CDK13: variants seen among roughly 807,000 people sequenced by gnomAD.
CDK13 encodes the protein cyclin-dependent kinase 13.
CDK13 carries 40 observed loss-of-function variants against 137.6 expected under a neutral mutation model. That is an observed-to-expected ratio of 0.29 (90% CI 0.23 to 0.38). The LOEUF (loss-of-function observed/expected upper bound fraction) is 0.38. Ranked by LOEUF, CDK13 falls within the 10% of genes least tolerant of loss-of-function variation. The pLI is 1.00. For missense variants in CDK13, 1,704 were observed against 1,951.8 expected (o/e 0.87, Z 2.39); for synonymous variants, 869 against 760.1 (o/e 1.14, Z -2.36).
chr7:40,065,756 A>G (rs1786266421), intron 9 of CDK13, among the ~76,000 whole-genome samples: 1 of 152,204 alleles, frequency 6.6e-6, no homozygotes, highest in South Asian at 2.1e-4. Context: ...AGCAAAATAA[A>G]CCCAGGAAAT....
At chr7:40,010,940 A>G (rs558321135) in intron 5 of CDK13, among the ~76,000 whole-genome samples, 1 of 152,342 alleles carries the variant, frequency 6.6e-6, no homozygotes, top group African/African-American at 2.4e-5. Context: ...CTAGAAATAA[A>G]TTGATAAAAG....
intron 1 of CDK13, among the ~76,000 whole-genome samples, chr7:39,956,713 G>A (rs1787418950): frequency 6.6e-6 from 1 of 152,014 alleles, no homozygotes; most frequent in Admixed American, 6.6e-5. Context: ...TCAGCCTCCC[G>A]AGTAGCTGGG....
chr7:40,020,573 G>C (rs1246523440), intron 5 of CDK13, among the ~76,000 whole-genome samples: 2 of 152,124 alleles, frequency 1.3e-5, no homozygotes, highest in Non-Finnish European at 2.9e-5. Flanking sequence ...ATTTGTCTTA[G>C]AATGTTATTG....
chr7:39,989,359 C>T (rs950501887), intron 2 of CDK13, among the ~76,000 whole-genome samples: 2 of 150,866 alleles, frequency 1.3e-5, no homozygotes, highest in African/African-American at 2.4e-5. Context: ...CCTCCCACTC[C>T]CCATTAAAAA....
chr7:40,019,338 G>C (rs1785066372), intron 5 of CDK13, among the ~76,000 whole-genome samples: 1 of 152,122 alleles, frequency 6.6e-6, no homozygotes, highest in Non-Finnish European at 1.5e-5. Context: ...ACAAACTTAA[G>C]CTAAAATTCA....
intron 2 of CDK13, among the ~76,000 whole-genome samples, chr7:39,994,801 G>T (rs1331507241): frequency 6.6e-6 from 1 of 151,962 alleles, no homozygotes; most frequent in Non-Finnish European, 1.5e-5. Flanking sequence ...TCTCTGAATA[G>T]GTTGACAGGG....
At chr7:39,993,703 C>T (rs555004344) in intron 2 of CDK13, among the ~76,000 whole-genome samples, 9 of 152,024 alleles carry the variant, frequency 5.9e-5, no homozygotes, top group Non-Finnish European at 8.8e-5. Flanking sequence ...ATGGATGTAT[C>T]GTGTTCTTCT....
In CDK13 at chr7:40,012,783, G is replaced by A. The variant is rs1441600867; in HGVS notation, c.2353+10752G>A. Reference sequence around the variant, plus strand: ...AAAAATCAGCTGGGCGCAGTGGTGGGCGCCTGTAATCCCAGCTACTTGGGA... The same window carrying A: ...AAAAATCAGCTGGGCGCAGTGGTGGACGCCTGTAATCCCAGCTACTTGGGA... On this transcript the variant is annotated intron_variant, in intron 5 of 13. Transcript: ENST00000181839. Among the ~76,000 whole-genome samples, 3 of 151,172 alleles carry A rather than the reference G, an allele frequency of 2.0e-5. No individual in the cohort carries two copies. In the South Asian group the frequency reaches 6.3e-4, roughly 32 times the overall value.
intron 5 of CDK13, among the ~76,000 whole-genome samples, chr7:40,016,359 G>C (rs1429840187): frequency 6.6e-6 from 1 of 152,148 alleles, no homozygotes; most frequent in East Asian, 1.9e-4. Context: ...TGAGACCTAA[G>C]TGAGACAATA....
intron 12 of CDK13, among the ~76,000 whole-genome samples, chr7:40,089,083 ATATG>A (rs1400621496): frequency 2.0e-5 from 3 of 148,572 alleles, no homozygotes; most frequent in African/African-American, 7.4e-5. Flanking sequence ...CCATCTCAAA[ATATG>A]TGTGTGTGTG....
chr7:40,062,678 C>A (rs1044504208), intron 7 of CDK13, 148 bp from the exon 8 acceptor site: 2 of 676,262 alleles, frequency 3.0e-6, no homozygotes, highest in East Asian at 2.5e-5. Context: ...ATATTAGATA[C>A]CTTTGGATGT....
chr7:39,955,787 C>T (rs1181907734), intron 1 of CDK13, among the ~76,000 whole-genome samples: 1 of 151,854 alleles, frequency 6.6e-6, no homozygotes, highest in East Asian at 1.9e-4. Flanking sequence ...ATTAATTACT[C>T]TTAGTTATTG....
intron 5 of CDK13, among the ~76,000 whole-genome samples, chr7:40,025,256 A>G (rs1016417415): frequency 6.6e-6 from 1 of 152,182 alleles, no homozygotes; most frequent in Non-Finnish European, 1.5e-5. Flanking sequence ...CTTTACTTAC[A>G]TATTTATCTG....
intron 11 of CDK13, among the ~76,000 whole-genome samples, chr7:40,080,153 A>G (rs1786635431): frequency 6.6e-6 from 1 of 151,838 alleles, no homozygotes; most frequent in African/African-American, 2.4e-5. Context: ...ACATCTGGCT[A>G]ATTTTTGTAT....
chr7:40,069,768 G>A (rs1275229429), intron 9 of CDK13: 2 of 152,664 alleles, frequency 1.3e-5, no homozygotes, highest in Non-Finnish European at 2.9e-5. Context: ...TTTTATAATA[G>A]AAGTAGCATA....
intron 5 of CDK13, among the ~76,000 whole-genome samples, chr7:40,042,672 T>G (rs1584029162): frequency 6.8e-6 from 1 of 147,186 alleles, no homozygotes; most frequent in African/African-American, 2.5e-5. Flanking sequence ...AGAGACGGGG[T>G]TTTACCATGT....
At chr7:39,951,961 G>A in intron 1 of CDK13, 109 bp downstream of exon 1, 4 of 1,179,312 alleles carry the variant, frequency 3.4e-6, no homozygotes, top group Non-Finnish European at 4.3e-6. Context: ...CCACCACCGA[G>A]ACGAGACAAC....
intron 9 of CDK13, chr7:40,066,760 G>A (rs375417384): frequency 1.7e-4 from 26 of 152,174 alleles, no homozygotes; most frequent in Non-Finnish European, 3.7e-4. Flanking sequence ...GTACAAGAGA[G>A]CTAATACAGA....
chr7:40,022,410 C>A lies in CDK13; in HGVS notation c.2353+20379C>A, dbSNP rs186804743. Among the ~76,000 whole-genome samples the A allele has an allele frequency of 2.6e-3, 397 of 152,338 alleles. 2 individuals are homozygous for A. The highest frequency in any genetic ancestry group is 6.8e-3 in the Middle Eastern group (2 of 294). On this transcript the variant is annotated intron_variant, in intron 5 of 13. Coordinates refer to ENST00000181839, the MANE Select transcript of CDK13 (RefSeq NM_003718.5). ...TCTTCCAATACTCATACTACACCTT[C>A]TACCTTCAGGCATAGTTTTTTCATA... is the stretch of plus-strand genomic sequence containing the variant.
Sources: gnomAD v4.1 joint callset for allele counts (sites outside exome capture counted in the v4.1 genomes callset) on GRCh38, gnomAD v4.1.1 for gene constraint, MANE v1.5 for transcripts, NCBI Gene and HGNC (gene_info 2026-07-23, HGNC 2026-07-21) for gene names.